The following EXOC4 variants were observed in gnomAD, a reference collection of about 807,000 sequenced individuals.
EXOC4 encodes SEC8-like 1.
A neutral mutation model predicts 107.2 loss-of-function variants in EXOC4; 71 were observed. That is an observed-to-expected ratio of 0.66 (90% CI 0.55 to 0.81). EXOC4 has a LOEUF of 0.81. Among genes scored for constraint, EXOC4 ranks in the 30% least tolerant of loss-of-function variants. The pLI, the probability that EXOC4 is intolerant of heterozygous loss-of-function variation, is 0.00. For synonymous variants in EXOC4, 456 were observed against 441.2 expected, an observed-to-expected ratio of 1.03 and a Z score of -0.42; for missense variants, 1,108 against 1,189.6, an observed-to-expected ratio of 0.93 and a Z score of 1.01.
downstream of EXOC4, among the ~76,000 whole-genome samples, chr7:134,067,955 T>C (rs1272841332): frequency 1.3e-5 from 2 of 152,120 alleles, no homozygotes; most frequent in Non-Finnish European, 2.9e-5. Context: ...CCACACTGAT[T>C]TCATCCCAAT....
At chr7:134,094,429 A>G in the EXOC4 span, among the ~76,000 whole-genome samples, 2 of 152,138 alleles carry the variant, frequency 1.3e-5, no homozygotes, top group African/African-American at 4.8e-5. Flanking sequence ...TTAAAAACCT[A>G]CAAACCAAAA....
At chr7:133,628,394 C>G (rs1403343610) in intron 9 of EXOC4, among the ~76,000 whole-genome samples, 1 of 152,164 alleles carries the variant, frequency 6.6e-6, no homozygotes, top group Non-Finnish European at 1.5e-5. Flanking sequence ...CACCAGACAC[C>G]ACTGAACTAT....
chr7:133,562,671 A>C (rs1035328273), intron 9 of EXOC4, among the ~76,000 whole-genome samples: 3 of 152,350 alleles, frequency 2.0e-5, no homozygotes, highest in Admixed American at 2.0e-4. Context: ...TAAGGCAACA[A>C]ATTGAAAGAA....
intron 7 of EXOC4, among the ~76,000 whole-genome samples, chr7:133,394,546 T>G (rs551609450): frequency 6.6e-6 from 1 of 152,286 alleles, no homozygotes; most frequent in African/African-American, 2.4e-5. Flanking sequence ...AGGTGTTTCC[T>G]CTGAGAAACG....
At chr7:133,520,580 A>G (rs1799960206) in intron 9 of EXOC4, among the ~76,000 whole-genome samples, 1 of 152,218 alleles carries the variant, frequency 6.6e-6, no homozygotes, top group South Asian at 2.1e-4. Flanking sequence ...GATGAAATAT[A>G]TATTCCAATA....
At chr7:133,682,906 A>G (rs1231062738) in intron 10 of EXOC4, among the ~76,000 whole-genome samples, 1 of 152,230 alleles carries the variant, frequency 6.6e-6, no homozygotes, top group African/African-American at 2.4e-5. Context: ...TAGTGCAGAC[A>G]TGGCAAAGGG....
At position 133,805,888 on chromosome 7, in the gene EXOC4, A is replaced by G. The variant is rs553510392; in HGVS notation, c.1515-11437A>G. Among the ~76,000 whole-genome samples the G allele has an allele frequency of 1.0e-3, 154 of 152,374 alleles. 1 individual carries two copies. The highest frequency in any genetic ancestry group is 3.6e-3 in the African/African-American group (148 of 41,594). ...GGAGATTATTTTAGGGAGGCCTGGG[A>G]AAAAGTTTTGCCCTATTTTAATTCT... On this transcript the variant is annotated intron_variant, in intron 10 of 17. Transcript: ENST00000253861.
At chr7:133,343,417 C>T (rs1795710984) in intron 5 of EXOC4, among the ~76,000 whole-genome samples, 1 of 151,994 alleles carries the variant, frequency 6.6e-6, no homozygotes, top group Non-Finnish European at 1.5e-5. Flanking sequence ...AGCACTTGCT[C>T]CAGTTACCAC....
the EXOC4 span, among the ~76,000 whole-genome samples, chr7:134,085,571 T>C: frequency 1.3e-5 from 2 of 152,210 alleles, no homozygotes; most frequent in South Asian, 2.1e-4. Context: ...ACTGGAGGTA[T>C]AACCTGGATT....
At chr7:133,755,254 T>A (rs11983298) in intron 10 of EXOC4, among the ~76,000 whole-genome samples, 2,029 of 98,120 alleles carry the variant, frequency 0.021, 50 homozygotes, top group African/African-American at 0.077. Flanking sequence ...ATATATATAT[T>A]ATATATATAT....
rs531266875 is a variant in EXOC4 at position 133,605,116 on chromosome 7, G to A, written c.1418-24929G>A. 4.6e-4 allele frequency among the ~76,000 whole-genome samples: 70 copies of A among 152,148 alleles called. 1 individual carries two copies. Among genetic ancestry groups the A allele is most frequent in the Non-Finnish European group, 7.3e-4 (50 of 68,034 alleles). The stretch of plus-strand genomic sequence containing the variant: ...GTTAGGTATTCATGTAGGAATGAAA[G>A]AGAGCAGCGAAATAGTAGGTGTGTC... On this transcript the variant is annotated intron_variant, in intron 9 of 17. Transcript: ENST00000253861.
At chr7:133,541,972 C>T (rs1035487327) in intron 9 of EXOC4, among the ~76,000 whole-genome samples, 3 of 151,980 alleles carry the variant, frequency 2.0e-5, no homozygotes, top group Non-Finnish European at 4.4e-5. Flanking sequence ...TTTTGCTTTC[C>T]GGTAGATTCA....
chr7:133,518,163 G>A (rs898627720), intron 9 of EXOC4, among the ~76,000 whole-genome samples: 7 of 152,008 alleles, frequency 4.6e-5, no homozygotes, highest in Admixed American at 1.3e-4. Context: ...ATATTTGCTA[G>A]TATCCTGTAG....
intron 14 of EXOC4, among the ~76,000 whole-genome samples, chr7:133,960,972 C>T (rs1350445161): frequency 5.9e-5 from 9 of 152,164 alleles, no homozygotes; most frequent in African/African-American, 1.7e-4. Context: ...ACGATGTCCA[C>T]GTCCTAATCC....
At chr7:133,623,619 T>C (rs1802383921) in intron 9 of EXOC4, among the ~76,000 whole-genome samples, 1 of 152,178 alleles carries the variant, frequency 6.6e-6, no homozygotes, top group African/African-American at 2.4e-5. Flanking sequence ...GGTAATTCTT[T>C]CCTTGAAGGG....
At chr7:133,282,462 A>G (rs1039723136) in intron 2 of EXOC4, among the ~76,000 whole-genome samples, 1 of 152,226 alleles carries the variant, frequency 6.6e-6, no homozygotes. Context: ...ATAATTTTTC[A>G]ATCTTAATTA....
chr7:133,566,479 T>G (rs1288913605), intron 9 of EXOC4, among the ~76,000 whole-genome samples: 1 of 152,180 alleles, frequency 6.6e-6, no homozygotes, highest in Non-Finnish European at 1.5e-5. Context: ...GGATTAGGAT[T>G]AATAAAACTC....
intron 13 of EXOC4, among the ~76,000 whole-genome samples, chr7:133,930,199 A>G (rs778074759): frequency 6.6e-5 from 10 of 152,176 alleles, no homozygotes; most frequent in Non-Finnish European, 1.5e-4. Context: ...TACTGTTATA[A>G]TTATGCACTG....
At chr7:133,661,169 G>A (rs916815466) in intron 10 of EXOC4, among the ~76,000 whole-genome samples, 44 of 152,050 alleles carry the variant, frequency 2.9e-4, no homozygotes, top group Non-Finnish European at 8.8e-5. Flanking sequence ...TAAAGGATGG[G>A]AACCTACCTT....
Sources: allele counts gnomAD v4.1 joint callset (sites outside exome capture counted in the v4.1 genomes callset), GRCh38; gene constraint gnomAD v4.1.1; transcripts MANE v1.5; gene names NCBI Gene and HGNC (gene_info 2026-07-23, HGNC 2026-07-21).